Variants in CALN1 observed in about 807,000 individuals in gnomAD.
The protein encoded by CALN1 is calcium-binding protein 8.
In CALN1, 17 loss-of-function variants were observed where a neutral mutation model predicts 30.6. The observed-to-expected ratio is 0.56, with a 90% CI of 0.38 to 0.83. CALN1 has a LOEUF of 0.83. Ranked by LOEUF, CALN1 falls within the 40% of genes least tolerant of loss-of-function variation. The pLI, the probability that CALN1 is intolerant of heterozygous loss-of-function variation, is 0.00. For missense variants in CALN1, 291 were observed against 354.9 expected (o/e 0.82, Z 1.45); for synonymous variants, 156 against 131.4 (o/e 1.19, Z -1.28).
the CALN1 span, among the ~76,000 whole-genome samples, chr7:72,482,299 T>G: frequency 6.6e-6 from 1 of 152,266 alleles, no homozygotes; most frequent in East Asian, 1.9e-4. Flanking sequence ...GGTTCTTGCT[T>G]TTTTATCCAA....
chr7:72,139,008 C>G (rs534039740), intron 3 of CALN1, among the ~76,000 whole-genome samples: 1 of 152,212 alleles, frequency 6.6e-6, no homozygotes, highest in African/African-American at 2.4e-5. Flanking sequence ...AAAAATTCAT[C>G]CTTGACTCCT....
At chr7:72,452,207 G>A in the CALN1 span, among the ~76,000 whole-genome samples, 3 of 152,026 alleles carry the variant, frequency 2.0e-5, no homozygotes, top group Non-Finnish European at 4.4e-5. Flanking sequence ...AGAACTGGAG[G>A]GCTTTAATTC....
intron 2 of CALN1, among the ~76,000 whole-genome samples, chr7:72,369,275 T>C (rs2944794): frequency 0.32 from 47,949 of 148,128 alleles, 9,423 homozygotes; most frequent in Middle Eastern, 0.49. Flanking sequence ...CGCAAAGTGT[T>C]ATATACATAT....
chr7:72,161,313 C>T (rs1282863688), intron 3 of CALN1, among the ~76,000 whole-genome samples: 1 of 152,126 alleles, frequency 6.6e-6, no homozygotes, highest in East Asian at 1.9e-4. Context: ...TCATGGACTT[C>T]AGAAATATCT....
chr7:72,354,895 TTTTTTC>T (rs1044405662), intron 2 of CALN1, among the ~76,000 whole-genome samples: 5 of 148,400 alleles, frequency 3.4e-5, no homozygotes, highest in African/African-American at 1.0e-4. Context: ...ATTTCTTTTT[TTTTTTC>T]TTTTCTTTTT....
At chr7:72,357,464 A>G (rs1369554020) in intron 2 of CALN1, among the ~76,000 whole-genome samples, 2 of 151,966 alleles carry the variant, frequency 1.3e-5, no homozygotes, top group Admixed American at 1.3e-4. Context: ...ATCAAAGAAG[A>G]AAATTAAAGG....
At chr7:72,171,153 G>A (rs1232098071) in intron 3 of CALN1, among the ~76,000 whole-genome samples, 1 of 152,054 alleles carries the variant, frequency 6.6e-6, no homozygotes, top group African/African-American at 2.4e-5. Context: ...GTGAGAGTCA[G>A]TCTCAAAACA....
At chr7:72,343,074 T>G (rs762142995) in intron 2 of CALN1, among the ~76,000 whole-genome samples, 4 of 152,132 alleles carry the variant, frequency 2.6e-5, no homozygotes, top group Non-Finnish European at 5.9e-5. Flanking sequence ...AACAATAACT[T>G]AAAATACTGG....
At chr7:72,127,381 A>T (rs1808839944) in intron 3 of CALN1, among the ~76,000 whole-genome samples, 1 of 152,104 alleles carries the variant, frequency 6.6e-6, no homozygotes. Context: ...GGGAAGGCAG[A>T]TTATGCACAT....
rs1199020825 is a variant in CALN1 at position 71,941,647 on chromosome 7, A to C, written c.501+82010T>G. 2.0e-5 allele frequency among the ~76,000 whole-genome samples: 3 copies of C among 152,336 alleles called. No individual in the cohort carries two copies. The East Asian group carries it at 5.8e-4, about 29-fold the overall frequency. ...AACCATCAAATTGGTAAAAATTATA[A>C]AGTCAGATAAATGTTCATGAGAAAT... is the stretch of plus-strand genomic sequence containing the variant. On this transcript the variant is annotated intron_variant, in intron 5 of 6. Coordinates refer to ENST00000395275, the MANE Select transcript of CALN1 (RefSeq NM_031468.4).
At chr7:72,095,224 T>C (rs1026066074) in intron 4 of CALN1, among the ~76,000 whole-genome samples, 1 of 152,138 alleles carries the variant, frequency 6.6e-6, no homozygotes, top group Non-Finnish European at 1.5e-5. Flanking sequence ...CCTATGGCTT[T>C]TGTGAGGACT....
chr7:72,101,209 G>A (rs116185443), intron 4 of CALN1, among the ~76,000 whole-genome samples: 3,285 of 152,164 alleles, frequency 0.022, 110 homozygotes, highest in African/African-American at 0.075. Flanking sequence ...CAGATGATCC[G>A]CCTGCCTCGG....
chr7:71,922,536 T>C (rs1456282424), intron 5 of CALN1, among the ~76,000 whole-genome samples: 1 of 135,274 alleles, frequency 7.4e-6, no homozygotes, highest in African/African-American at 2.9e-5. Flanking sequence ...GAATATATTA[T>C]ATATAAATAT....
At chr7:72,440,545 G>C (rs934718835) in intron 1 of CALN1, among the ~76,000 whole-genome samples, 1 of 152,182 alleles carries the variant, frequency 6.6e-6, no homozygotes, top group Non-Finnish European at 1.5e-5. Context: ...AATAGAATCT[G>C]GCCAGACACA....
At chr7:72,068,928 T>C (rs1282315027) in intron 4 of CALN1, among the ~76,000 whole-genome samples, 5 of 152,244 alleles carry the variant, frequency 3.3e-5, no homozygotes, top group Admixed American at 2.0e-4. Flanking sequence ...TTATTGTGAT[T>C]ATCTTATTGA....
At chr7:72,310,003 C>A (rs1248173721) in intron 2 of CALN1, among the ~76,000 whole-genome samples, 2 of 152,120 alleles carry the variant, frequency 1.3e-5, no homozygotes, top group Non-Finnish European at 2.9e-5. Context: ...CCGCCAGCAT[C>A]CCCCAGGGAT....
chr7:72,380,713 A>T (rs191309213), intron 2 of CALN1, among the ~76,000 whole-genome samples: 1 of 148,312 alleles, frequency 6.7e-6, no homozygotes, highest in Non-Finnish European at 1.5e-5. Context: ...GATTAGATAG[A>T]TAGATAGATA....
chr7:72,168,805 A>ATTTTTTT (rs3030351), intron 3 of CALN1, among the ~76,000 whole-genome samples: 1 of 128,480 alleles, frequency 7.8e-6, no homozygotes. Context: ...TATTATTATT[A>ATTTTTTT]TTTTTTTTTT....
chr7:72,392,577 CTG>C (rs1468107370), intron 2 of CALN1, among the ~76,000 whole-genome samples: 2 of 152,188 alleles, frequency 1.3e-5, no homozygotes, highest in African/African-American at 4.8e-5. Flanking sequence ...CAGAGTAGTA[CTG>C]TCTCATACGG....
Sources: gnomAD v4.1 joint callset for allele counts (sites outside exome capture counted in the v4.1 genomes callset) on GRCh38, gnomAD v4.1.1 for gene constraint, MANE v1.5 for transcripts, NCBI Gene and HGNC (gene_info 2026-07-23, HGNC 2026-07-21) for gene names.